The following FBXL17 variants were observed in gnomAD, a reference collection of about 807,000 sequenced individuals.
FBXL17 encodes the protein F-box and leucine rich repeat protein 17.
A neutral mutation model predicts 66.2 loss-of-function variants in FBXL17; 22 were observed. The ratio of observed to expected loss-of-function variants is 0.33; its 90% CI spans 0.24 to 0.47. The LOEUF (loss-of-function observed/expected upper bound fraction) is 0.47. Among genes scored for constraint, FBXL17 ranks in the 20% least tolerant of loss-of-function variants. The probability of loss-of-function intolerance (pLI) is 1.00; values close to 1 mark genes in which losing one functional copy is unlikely to be tolerated. For missense variants in FBXL17, 878 were observed against 948.2 expected, an observed-to-expected ratio of 0.93 and a Z score of 0.97; for synonymous variants, 474 against 400.5, an observed-to-expected ratio of 1.18 and a Z score of -2.19.
rs1242710773 is a variant in FBXL17 at position 108,099,990 on chromosome 5, A to C, written c.1746-78989T>G. Among the ~76,000 whole-genome samples the C allele has an allele frequency of 5.3e-5, 8 of 152,302 alleles. No individual in the cohort carries two copies. The East Asian group carries it at 1.5e-3, about 29-fold the overall frequency. On this transcript the variant is annotated intron_variant, in intron 6 of 8. Coordinates refer to ENST00000542267, the MANE Select transcript of FBXL17 (RefSeq NM_001163315.3). ...TTACTGCTATGTATTCCAATATAGT[A>C]ATGTTTTTAGCATTGTTTGCCTGTG...
At chr5:108,164,960 A>T (rs1185957544) in intron 6 of FBXL17, among the ~76,000 whole-genome samples, 1 of 152,228 alleles carries the variant, frequency 6.6e-6, no homozygotes, top group Non-Finnish European at 1.5e-5. Flanking sequence ...AATGCTCCAA[A>T]ATAGCTGATG....
chr5:108,092,710 C>T (rs1393728506), intron 6 of FBXL17, among the ~76,000 whole-genome samples: 1 of 152,026 alleles, frequency 6.6e-6, no homozygotes, highest in Admixed American at 6.6e-5. Context: ...AATGCTTTCC[C>T]CAAAATGAGA....
At chr5:108,079,663 G>A (rs1409948125) in intron 6 of FBXL17, among the ~76,000 whole-genome samples, 2 of 152,132 alleles carry the variant, frequency 1.3e-5, no homozygotes, top group African/African-American at 4.8e-5. Flanking sequence ...GGCTCACTGG[G>A]AAAACATAAC....
intron 4 of FBXL17, among the ~76,000 whole-genome samples, chr5:108,317,325 T>G (rs1252141011): frequency 6.6e-6 from 1 of 150,838 alleles, no homozygotes; most frequent in Non-Finnish European, 1.5e-5. Flanking sequence ...GTTTTGTTTT[T>G]TGTTTTTTGT....
chr5:108,029,559 G>C (rs953323097), intron 6 of FBXL17, among the ~76,000 whole-genome samples: 1 of 152,116 alleles, frequency 6.6e-6, no homozygotes, highest in African/African-American at 2.4e-5. Context: ...ACATTTGTAA[G>C]AAAGAGGTAG....
chr5:108,181,976 A>T (rs1211390264), intron 6 of FBXL17, among the ~76,000 whole-genome samples: 1 of 152,130 alleles, frequency 6.6e-6, no homozygotes, highest in Non-Finnish European at 1.5e-5. Context: ...AAATAGTATG[A>T]CCTTCCCCTG....
chr5:108,333,953 C>T (rs944831615), intron 4 of FBXL17, among the ~76,000 whole-genome samples: 4 of 152,072 alleles, frequency 2.6e-5, no homozygotes, highest in African/African-American at 9.7e-5. Flanking sequence ...ACTTTATATC[C>T]ACCATTATAT....
In FBXL17 at chr5:108,381,889, G is replaced by A. The variant is rs1749992440; in HGVS notation, c.-198C>T. The A allele has an allele frequency of 7.8e-7, 1 of 1,288,130 alleles. No homozygotes were observed. The highest frequency in any genetic ancestry group is 3.2e-5 in the East Asian group (1 of 31,686). 79.8% of individuals were successfully genotyped at this position (1,288,130 alleles called of 1,614,324 possible). A position where few individuals can be genotyped will look rare whatever the true frequency, so the allele number is the denominator to read the frequency against. On this transcript the variant is annotated 5_prime_UTR_variant, in exon 1 of 9. Transcript: ENST00000542267. ...GCGGGCCGCCGGAGTGCCCGACGGG[G>A]GCTACATGCTTTGCCCAGGGAAGCC...
At chr5:108,154,656 T>C (rs1326175766) in intron 6 of FBXL17, among the ~76,000 whole-genome samples, 1 of 140,506 alleles carries the variant, frequency 7.1e-6, no homozygotes, top group Non-Finnish European at 1.5e-5. Context: ...CACATATATG[T>C]ATATACATAT....
intron 4 of FBXL17, among the ~76,000 whole-genome samples, chr5:108,258,902 A>G (rs1756693411): frequency 6.6e-6 from 1 of 152,144 alleles, no homozygotes; most frequent in Admixed American, 6.5e-5. Context: ...TAGAAAAACT[A>G]AACATAATAA....
intron 6 of FBXL17, among the ~76,000 whole-genome samples, chr5:108,162,929 G>C (rs1752269564): frequency 6.6e-6 from 1 of 152,120 alleles, no homozygotes; most frequent in African/African-American, 2.4e-5. Flanking sequence ...CCTCAGAGTA[G>C]AGCCCATTTC....
rs186827433 is a variant in FBXL17 at position 108,287,224 on chromosome 5, T to C, written c.1506+61175A>G. ...GACATAGGACCTGGCAAAGATTTCA[T>C]GACAAAGATAAAAGCAATTGCAACA... On this transcript the variant is annotated intron_variant, in intron 4 of 8. Coordinates refer to ENST00000542267, the MANE Select transcript of FBXL17 (RefSeq NM_001163315.3). 2.8e-3 allele frequency among the ~76,000 whole-genome samples: 424 copies of C among 151,982 alleles called. 4 individuals are homozygous for C. The highest frequency in any genetic ancestry group is 9.7e-3 in the African/African-American group (402 of 41,518).
intron 7 of FBXL17, among the ~76,000 whole-genome samples, chr5:107,971,076 A>C (rs149658101): frequency 6.6e-6 from 1 of 152,344 alleles, no homozygotes; most frequent in African/African-American, 2.4e-5. Flanking sequence ...TCACAAATTT[A>C]TTCCAAAAGG....
chr5:107,977,078 A>T (rs950711950), intron 7 of FBXL17, among the ~76,000 whole-genome samples: 8 of 152,324 alleles, frequency 5.3e-5, no homozygotes, highest in Non-Finnish European at 1.0e-4. Flanking sequence ...GGCAAAAAAT[A>T]TCTAGTTGGG....
chr5:107,912,025 G>A (rs958564885), intron 7 of FBXL17, among the ~76,000 whole-genome samples: 1 of 152,096 alleles, frequency 6.6e-6, no homozygotes, highest in African/African-American at 2.4e-5. Flanking sequence ...ACAAGGTGTA[G>A]GCAAGAATTA....
rs1417126020 is a variant in FBXL17, at chr5:108,381,659, G to A, written c.33C>T (p.Asn11=). 5.1e-5 allele frequency: 76 copies of A among 1,476,420 alleles called. No homozygotes were observed. The highest frequency in any genetic ancestry group is 6.6e-5 in the Non-Finnish European group (74 of 1,117,638). The allele number at this position is 1,476,420 out of a possible 1,614,324, so 91.5% of individuals were successfully genotyped here. A position where few individuals can be genotyped will look rare whatever the true frequency, so the allele number is the denominator to read the frequency against. MGHLLSKEPR[N]RPSQKRPRCC... is the part of the protein sequence containing the mutation. ...AGCGAGGCCTCTTCTGGCTCGGGCG[G>A]TTACGCGGCTCCTTCGAGAGAAGGT... The change falls in exon 1 of 9, where the codon AAC becomes AAT. Residue 11 remains asparagine (N), a synonymous_variant. Transcript: ENST00000542267.
At chr5:107,862,225 C>T (rs1254281537) in intron 8 of FBXL17, among the ~76,000 whole-genome samples, 2 of 151,752 alleles carry the variant, frequency 1.3e-5, no homozygotes, top group Non-Finnish European at 2.9e-5. Context: ...ATCATCAACC[C>T]GACAGCCTTT....
intron 4 of FBXL17, among the ~76,000 whole-genome samples, chr5:108,265,766 T>C (rs560723746): frequency 1.3e-5 from 2 of 152,314 alleles, no homozygotes; most frequent in South Asian, 2.1e-4. Flanking sequence ...CAAATATTAA[T>C]GTGCAAGCAA....
intron 1 of FBXL17, among the ~76,000 whole-genome samples, chr5:108,379,544 T>C (rs1277998262): frequency 1.3e-5 from 2 of 152,116 alleles, no homozygotes; most frequent in Non-Finnish European, 2.9e-5. Context: ...ACTGTAAATA[T>C]GCAAAAAGTC....
Sources: allele counts gnomAD v4.1 joint callset (sites outside exome capture counted in the v4.1 genomes callset), GRCh38; gene constraint gnomAD v4.1.1; transcripts MANE v1.5; gene names NCBI Gene and HGNC (gene_info 2026-07-23, HGNC 2026-07-21).